The following SLC35D4 variants were observed in gnomAD, a reference collection of about 807,000 sequenced individuals.
SLC35D4 encodes UDP-N-acetylglucosamine transporter SLC35D4.
chr18:23,307,045 G>A, the SLC35D4 span, among the ~76,000 whole-genome samples: 2 of 152,234 alleles, frequency 1.3e-5, no homozygotes, highest in East Asian at 1.9e-4. Flanking sequence ...TTGTGGCTAG[G>A]CCCCCAGATC....
At chr18:23,401,499 G>A in the SLC35D4 span, among the ~76,000 whole-genome samples, 2 of 152,266 alleles carry the variant, frequency 1.3e-5, no homozygotes, top group East Asian at 1.9e-4. Context: ...ATGGATCAGG[G>A]GTGACATCAG....
At chr18:23,383,843 G>A in the SLC35D4 span, among the ~76,000 whole-genome samples, 1 of 152,076 alleles carries the variant, frequency 6.6e-6, no homozygotes. Context: ...TGACAGTGTA[G>A]AAGAGAGGAG....
At chr18:23,248,067 G>A in the SLC35D4 span, among the ~76,000 whole-genome samples, 2,651 of 152,326 alleles carry the variant, frequency 0.017, 31 homozygotes, top group Middle Eastern at 0.034. Flanking sequence ...AGCCTCTCCC[G>A]CAAGACCCGG....
At chr18:23,244,745 C>T in the SLC35D4 span, among the ~76,000 whole-genome samples, 27,720 of 152,210 alleles carry the variant, frequency 0.18, 3,230 homozygotes, top group Middle Eastern at 0.26. Context: ...CTTTCACAGG[C>T]GTGGTGTGGA....
the SLC35D4 span, among the ~76,000 whole-genome samples, chr18:23,346,143 T>C: frequency 6.6e-6 from 1 of 152,116 alleles, no homozygotes; most frequent in African/African-American, 2.4e-5. Flanking sequence ...TAGTTTTATT[T>C]ATTTATTTAA....
At chr18:23,242,663 A>G in the SLC35D4 span, among the ~76,000 whole-genome samples, 1 of 152,194 alleles carries the variant, frequency 6.6e-6, no homozygotes, top group African/African-American at 2.4e-5. Context: ...TTTCTTCTGT[A>G]AGAAATCCCT....
At chr18:23,290,732 T>G in the SLC35D4 span, among the ~76,000 whole-genome samples, 1 of 152,170 alleles carries the variant, frequency 6.6e-6, no homozygotes, top group East Asian at 1.9e-4. Flanking sequence ...GTTCAAGCGA[T>G]TCTCCTGCCT....
At chr18:23,270,343 G>C in the SLC35D4 span, among the ~76,000 whole-genome samples, 1 of 152,234 alleles carries the variant, frequency 6.6e-6, no homozygotes, top group Admixed American at 6.5e-5. Flanking sequence ...GATTTCAGAG[G>C]ATATGTAGGA....
At chr18:23,315,356 C>T in the SLC35D4 span, among the ~76,000 whole-genome samples, 1 of 151,972 alleles carries the variant, frequency 6.6e-6, no homozygotes, top group Non-Finnish European at 1.5e-5. Context: ...AAAACTTTTA[C>T]TGAACTTGGC....
chr18:23,428,773 A>T, the SLC35D4 span, among the ~76,000 whole-genome samples: 1 of 151,546 alleles, frequency 6.6e-6, no homozygotes, highest in Admixed American at 6.6e-5. Flanking sequence ...GCCTCTATTG[A>T]TCCTGTCACC....
chr18:23,257,487 T>A, the SLC35D4 span: 2 of 1,159,294 alleles, frequency 1.7e-6, no homozygotes, highest in African/African-American at 3.1e-5. Context: ...CCTCTCGACA[T>A]AGTTTGGGGA....
the SLC35D4 span, among the ~76,000 whole-genome samples, chr18:23,429,965 T>C: frequency 6.6e-6 from 1 of 152,242 alleles, no homozygotes; most frequent in African/African-American, 2.4e-5. Context: ...GCTGTCTGTT[T>C]ACTCTGTTAA....
At chr18:23,356,130 C>G in the SLC35D4 span, among the ~76,000 whole-genome samples, 1 of 152,186 alleles carries the variant, frequency 6.6e-6, no homozygotes, top group South Asian at 2.1e-4. This position sits in a 1 kb window ranked among gnomAD's most constrained non-coding sequence, Gnocchi z 4.1. Context: ...TTTCCAAAAT[C>G]TATTTCCCAG....
At chr18:23,333,778 T>C in the SLC35D4 span, among the ~76,000 whole-genome samples, 2 of 152,358 alleles carry the variant, frequency 1.3e-5, no homozygotes, top group African/African-American at 4.8e-5. Context: ...TCCAAGAAGA[T>C]AAATCTAACA....
the SLC35D4 span, among the ~76,000 whole-genome samples, chr18:23,355,694 C>T: frequency 6.6e-6 from 1 of 151,422 alleles, no homozygotes; most frequent in Non-Finnish European, 1.5e-5. Flanking sequence ...CTTCACAAGG[C>T]ACTGTTTGAT....
At chr18:23,291,499 T>G in the SLC35D4 span, among the ~76,000 whole-genome samples, 1 of 152,244 alleles carries the variant, frequency 6.6e-6, no homozygotes, top group East Asian at 1.9e-4. Context: ...TGGCACTGAC[T>G]GAGGTCACCT....
the SLC35D4 span, among the ~76,000 whole-genome samples, chr18:23,269,312 C>T: frequency 6.6e-6 from 1 of 152,172 alleles, no homozygotes; most frequent in African/African-American, 2.4e-5. Flanking sequence ...AAGGGGCTTC[C>T]CCACCTTTCC....
chr18:23,418,730 G>A, the SLC35D4 span, among the ~76,000 whole-genome samples: 146 of 151,926 alleles, frequency 9.6e-4, no homozygotes, highest in Middle Eastern at 3.4e-3. Context: ...GCAGTTGGCC[G>A]GGTACGGTGG....
At chr18:23,262,215 AT>A in the SLC35D4 span, among the ~76,000 whole-genome samples, 1 of 152,170 alleles carries the variant, frequency 6.6e-6, no homozygotes, top group African/African-American at 2.4e-5. Flanking sequence ...TCATCTAACA[AT>A]TTTTTGGGTG....
Sources: allele counts gnomAD v4.1 joint callset (sites outside exome capture counted in the v4.1 genomes callset), GRCh38; gene constraint gnomAD v4.1.1; non-coding constraint Gnocchi (gnomAD v3.1); transcripts MANE v1.5; gene names NCBI Gene and HGNC (gene_info 2026-07-23, HGNC 2026-07-21).